NCAM2: variants seen among roughly 807,000 people sequenced by gnomAD.
NCAM2 encodes N-CAM-2.
NCAM2 carries 30 observed loss-of-function variants against 98.1 expected under a neutral mutation model. The observed-to-expected ratio is 0.31, with a 90% confidence interval of 0.23 to 0.41. The LOEUF is 0.41. NCAM2 is among the 10% of genes least tolerant of loss of function. The pLI is 1.00. For missense variants in NCAM2, 867 were observed against 1,005.8 expected, an observed-to-expected ratio of 0.86 and a Z score of 1.87; for synonymous variants, 368 against 342.4, an observed-to-expected ratio of 1.07 and a Z score of -0.83.
intron 1 of NCAM2, among the ~76,000 whole-genome samples, chr21:21,202,175 C>G (rs2069249985): frequency 6.6e-6 from 1 of 152,126 alleles, no homozygotes; most frequent in African/African-American, 2.4e-5. Flanking sequence ...TGTTCCTCCA[C>G]TTCCCAGTTT....
At chr21:21,438,625 A>AC (rs2146067376) in intron 12 of NCAM2, among the ~76,000 whole-genome samples, 1 of 152,308 alleles carries the variant, frequency 6.6e-6, no homozygotes, top group East Asian at 1.9e-4. Context: ...CTGTAGCAAG[A>AC]CTTTTTGGTT....
chr21:21,433,800 ATAAAAG>A (rs1401905599), intron 12 of NCAM2, among the ~76,000 whole-genome samples: 3 of 120,210 alleles, frequency 2.5e-5, no homozygotes, highest in Non-Finnish European at 5.5e-5. Flanking sequence ...TAAAATAAAA[ATAAAAG>A]AGAGAAAAAG....
intron 1 of NCAM2, among the ~76,000 whole-genome samples, chr21:21,020,326 G>GC: frequency 6.6e-6 from 1 of 152,262 alleles, no homozygotes; most frequent in Middle Eastern, 3.4e-3. Context: ...GTGAGCCACT[G>GC]CACCCGGGTG....
intron 12 of NCAM2, among the ~76,000 whole-genome samples, chr21:21,451,501 C>G (rs960704484): frequency 6.6e-6 from 1 of 152,078 alleles, no homozygotes; most frequent in African/African-American, 2.4e-5. Context: ...TTATTTTATT[C>G]TAAGTGCAGA....
chr21:21,519,075 A>G (rs186995871), intron 16 of NCAM2, among the ~76,000 whole-genome samples: 4 of 152,244 alleles, frequency 2.6e-5, no homozygotes, highest in African/African-American at 9.6e-5. Flanking sequence ...TGAGCTTGCT[A>G]TGTTCAAAGG....
intron 17 of NCAM2, among the ~76,000 whole-genome samples, chr21:21,537,152 G>T (rs1990024432): frequency 6.6e-6 from 1 of 151,982 alleles, no homozygotes; most frequent in Non-Finnish European, 1.5e-5. Context: ...AGGCTGAAGT[G>T]CAGTGGCATG....
At chr21:21,209,350 C>T (rs913790496) in intron 1 of NCAM2, among the ~76,000 whole-genome samples, 10 of 152,114 alleles carry the variant, frequency 6.6e-5, no homozygotes, top group South Asian at 2.1e-4. Context: ...CAGATAGCTC[C>T]GACTATAGAT....
intron 5 of NCAM2, among the ~76,000 whole-genome samples, chr21:21,319,324 C>T (rs2826791): frequency 0.42 from 64,013 of 152,000 alleles, 14,722 homozygotes; most frequent in Non-Finnish European, 0.53. Flanking sequence ...TCTGTGAATA[C>T]GAGTTAACAA....
intron 1 of NCAM2, among the ~76,000 whole-genome samples, chr21:21,233,960 T>C (rs940908357): frequency 1.3e-5 from 2 of 151,592 alleles, no homozygotes; most frequent in African/African-American, 4.8e-5. Context: ...TGATGGAGAG[T>C]CCGTTTATCA....
chr21:21,362,392 CT>C (rs35130794), intron 8 of NCAM2, among the ~76,000 whole-genome samples: 51,264 of 147,020 alleles, frequency 0.35, 8,866 homozygotes, highest in East Asian at 0.58. Context: ...TCATATTCTA[CT>C]TTTTTTTTTT....
intron 1 of NCAM2, among the ~76,000 whole-genome samples, chr21:21,052,263 ACACC>A (rs2065126893): frequency 6.8e-6 from 1 of 146,666 alleles, no homozygotes. Context: ...TCCCGGGTTC[ACACC>A]ATTCTCCTGC....
rs565378089 is a variant in NCAM2, at chr21:21,044,829, G to A, written c.55+46211G>A. 3.3e-3 allele frequency among the ~76,000 whole-genome samples: 500 copies of A among 152,120 alleles called. 2 individuals carry two copies. The highest frequency in any genetic ancestry group is 0.012 in the African/African-American group (480 of 41,488). On this transcript the variant is annotated intron_variant, in intron 1 of 17. Transcript: ENST00000400546. ...AAAATAAAAAAATTTGTTGGGCATG[G>A]TGGCGTGCATCTGTGGTTCTGGCTA...
intron 1 of NCAM2, among the ~76,000 whole-genome samples, chr21:21,132,869 A>C (rs764125012): frequency 3.3e-5 from 5 of 152,216 alleles, no homozygotes; most frequent in African/African-American, 7.2e-5. Context: ...AGCACTCTAG[A>C]ATCCTTTGTG....
At chr21:21,286,551 T>C (rs907395967) in intron 4 of NCAM2, 139 bp downstream of exon 4, 5 of 925,090 alleles carry the variant, frequency 5.4e-6, no homozygotes, top group Non-Finnish European at 7.9e-6. Flanking sequence ...ACCTGTAAGC[T>C]CTACATTAGG....
intron 1 of NCAM2, among the ~76,000 whole-genome samples, chr21:21,279,064 T>C (rs2072832947): frequency 6.6e-6 from 1 of 152,156 alleles, no homozygotes; most frequent in Non-Finnish European, 1.5e-5. Flanking sequence ...GAGCCTATGA[T>C]ATGGTTCTTC....
chr21:21,270,410 T>G (rs987341659), intron 1 of NCAM2, among the ~76,000 whole-genome samples: 8 of 152,138 alleles, frequency 5.3e-5, no homozygotes, highest in African/African-American at 1.9e-4. Context: ...TTTCCTACTT[T>G]TATTTACATT....
At chr21:21,004,167 T>C (rs1302698214) in intron 1 of NCAM2, among the ~76,000 whole-genome samples, 2 of 152,198 alleles carry the variant, frequency 1.3e-5, no homozygotes, top group African/African-American at 4.8e-5. Context: ...TTTAAATGAA[T>C]CTAATATATC....
chr21:21,001,415 A>T (rs1450536993), intron 1 of NCAM2, among the ~76,000 whole-genome samples: 1 of 152,218 alleles, frequency 6.6e-6, no homozygotes, highest in Non-Finnish European at 1.5e-5. Flanking sequence ...TGTCAATGAA[A>T]GAAAATGCTG....
intron 1 of NCAM2, among the ~76,000 whole-genome samples, chr21:21,203,822 G>A (rs1020797959): frequency 6.6e-6 from 1 of 152,018 alleles, no homozygotes; most frequent in African/African-American, 2.4e-5. Context: ...TTATCATTGT[G>A]GTCCAGATTG....
Sources: allele counts gnomAD v4.1 joint callset (sites outside exome capture counted in the v4.1 genomes callset), GRCh38; gene constraint gnomAD v4.1.1; transcripts MANE v1.5; gene names NCBI Gene and HGNC (gene_info 2026-07-23, HGNC 2026-07-21).